Variants in ZNF558 observed in about 807,000 individuals in gnomAD.
The protein encoded by ZNF558 is zinc finger protein 558.
Under a neutral mutation model 37.6 loss-of-function variants are expected in ZNF558, and 23 were observed. The observed-to-expected ratio is 0.61, with a 90% CI of 0.44 to 0.87. The LOEUF is 0.87. ZNF558 is among the 40% of genes least tolerant of loss of function. The pLI is 0.00. For synonymous variants in ZNF558, 189 were observed against 174.4 expected (o/e 1.08, Z -0.66); for missense variants, 429 against 483.7 (o/e 0.89, Z 1.06).
At position 8,825,062 on chromosome 19, in the gene ZNF558, C is replaced by G. The variant is rs2044200312; in HGVS notation, c.-462G>C. On this transcript the variant is annotated 5_prime_UTR_variant, in exon 3 of 10. Coordinates refer to ENST00000601372, the MANE Select transcript of ZNF558 (RefSeq NM_144693.3). Reference sequence around the variant, plus strand: ...TTCCTATCTGGCAGGTCAACAGAGACACAGTGGCCCACACTCTTCATTCTC... The same window carrying G: ...TTCCTATCTGGCAGGTCAACAGAGAGACAGTGGCCCACACTCTTCATTCTC... The G allele has an allele frequency of 6.6e-6, 1 of 152,268 alleles. No homozygotes were observed. The highest frequency in any genetic ancestry group is 6.5e-5 in the Admixed American group (1 of 15,284). The allele number at this position is 152,268 out of a possible 1,614,324, so 9.4% of individuals were successfully genotyped here.
rs896943255 is a variant in ZNF558 at position 8,822,160 on chromosome 19, C to T, written c.32-69G>A. 3.1e-6 allele frequency: 5 copies of T among 1,587,896 alleles called. No homozygotes were observed. The Admixed American group carries it at 8.5e-5, about 27-fold the overall frequency. On this transcript the variant is annotated intron_variant, in intron 5 of 9. Transcript: ENST00000601372. The surrounding 1 kb of genome is among the most constrained non-coding windows in gnomAD (Gnocchi z 4.4). ...CACCCACAGATCTGCCCCTGATTGA[C>T]CACACCCACCTCCCACACCCACACG...
chr19:8,812,561 C>T lies in ZNF558; in HGVS notation c.426G>A (p.Thr142=), dbSNP rs782177053. The T allele has an allele frequency of 9.6e-6, 15 of 1,562,294 alleles. No individual in the cohort carries two copies. The highest frequency in any genetic ancestry group is 3.4e-4 in the Middle Eastern group (2 of 5,846). ...CAGAAATCACCCATGTTAGTCTTAC[C>T]GTTTTTACACCTTTAGACTGTTCTT... ...FRKEQSKGVK[T]ERSHRGVKLN... is the part of the protein sequence containing the mutation. Residue 142 remains threonine, a splice_region_variant and synonymous_variant, in exon 9 of 10, where the codon ACG becomes ACA. Transcript: ENST00000601372.
At chr19:8,814,740 G>GT (rs1270217877) in intron 7 of ZNF558, among the ~76,000 whole-genome samples, 1 of 152,178 alleles carries the variant, frequency 6.6e-6, no homozygotes, top group Non-Finnish European at 1.5e-5. Context: ...GAGACTAGAA[G>GT]TTTTTTCCTT....
upstream of ZNF558, among the ~76,000 whole-genome samples, chr19:8,834,547 G>A (rs1224298461): frequency 2.7e-5 from 4 of 150,314 alleles, no homozygotes; most frequent in Admixed American, 2.0e-4. Context: ...GGTGGAGATT[G>A]CAGTGAGCCG....
chr19:8,821,835 A>T, intron 6 of ZNF558, 168 bp downstream of exon 6: 1 of 1,459,896 alleles, frequency 6.8e-7, no homozygotes, highest in Non-Finnish European at 9.0e-7. Context: ...GTAAATGTTG[A>T]CACACACTGA....
chr19:8,836,941 G>A (rs1003600552), upstream of ZNF558, among the ~76,000 whole-genome samples: 2 of 152,160 alleles, frequency 1.3e-5, no homozygotes, highest in African/African-American at 4.8e-5. Context: ...GAACAAGCCA[G>A]TAAAAACATC....
Position 8,813,194 on chromosome 19 carries a change from T to C in ZNF558, c.276A>G (p.Ile92Met). Residue 92 changes from isoleucine (I) to methionine (M), a missense_variant, in exon 8 of 10, where the codon ATA (isoleucine) becomes ATG (methionine). Transcript: ENST00000601372. ...CCTTCTTGTCTTGTTCCAACTGGGA[T>C]ATCAGACTGGGTTTATTAACACGAC... ...LGCRVNKPSL[I>M]SQLEQDKKVV... The C allele has an allele frequency of 6.3e-6, 10 of 1,598,816 alleles. No homozygotes were observed. Among genetic ancestry groups the C allele is most frequent in the Non-Finnish European group, 8.5e-6 (10 of 1,171,900 alleles).
intron 6 of ZNF558, chr19:8,821,571 G>A: frequency 7.2e-7 from 1 of 1,392,106 alleles, no homozygotes. Flanking sequence ...CCAGTGCACA[G>A]TACCACAGAG....
At chr19:8,833,763 C>T (rs1219863147), upstream of ZNF558, among the ~76,000 whole-genome samples, 2 of 152,126 alleles carry the variant, frequency 1.3e-5, no homozygotes, top group Admixed American at 1.3e-4. Context: ...CCGAGGCAGG[C>T]AGATCACCTG....
chr19:8,822,176 C>T lies in ZNF558; in HGVS notation c.32-85G>A. The T allele has an allele frequency of 6.5e-7, 1 of 1,539,404 alleles. No homozygotes were observed. Among genetic ancestry groups the T allele is most frequent in the Non-Finnish European group, 8.9e-7 (1 of 1,122,510 alleles). On this transcript the variant is annotated intron_variant, in intron 5 of 9. Transcript: ENST00000601372. This position sits in a 1 kb window ranked among gnomAD's most constrained non-coding sequence, Gnocchi z 4.4. ...CCTGATTGACCACACCCACCTCCCACACCCACACGGATGAGGCACCACACA... is the reference window on the plus strand; with the variant it reads ...CCTGATTGACCACACCCACCTCCCATACCCACACGGATGAGGCACCACACA...
In ZNF558 at chr19:8,811,868, A is replaced by T. The variant is rs782632405; in HGVS notation, c.622T>A (p.Tyr208Asn). ...HKRIHNGEKP[Y>N]ECNHCGKAFS... ...GCTTTCCCACAGTGATTGCATTCAT[A>T]GGGTTTCTCCCCATTATGGATTCTC... Residue 208 changes from tyrosine (Y) to asparagine (N), a missense_variant, in exon 10 of 10, where the codon TAT becomes AAT. Tyr to Asn is a moderately radical substitution (Grantham distance 143). Coordinates refer to ENST00000601372, the MANE Select transcript of ZNF558 (RefSeq NM_144693.3). The T allele has an allele frequency of 6.2e-7, 1 of 1,614,152 alleles. No individual in the cohort carries two copies. Among genetic ancestry groups the T allele is most frequent in the Non-Finnish European group, 8.5e-7 (1 of 1,180,004 alleles).
At position 8,810,641 on chromosome 19, in the gene ZNF558, G is replaced by C. The variant is rs183606132; in HGVS notation, c.*640C>G. 6.6e-6 allele frequency: 1 copy of C among 152,396 alleles called. No individual in the cohort carries two copies. Among genetic ancestry groups the C allele is most frequent in the East Asian group, 1.9e-4 (1 of 5,192 alleles). The allele number at this position is 152,396 out of a possible 1,614,324, so 9.4% of individuals were successfully genotyped here. A position where few individuals can be genotyped will look rare whatever the true frequency, so the allele number is the denominator to read the frequency against. The stretch of plus-strand genomic sequence containing the variant: ...GATTAGAGTAGAAGGATGATGTGCT[G>C]AGGGCTTTTCTTCATTAATTCCATG... On this transcript the variant is annotated 3_prime_UTR_variant, in exon 10 of 10. Coordinates refer to ENST00000601372, the MANE Select transcript of ZNF558 (RefSeq NM_144693.3).
upstream of ZNF558, among the ~76,000 whole-genome samples, chr19:8,835,445 CATT>C (rs1182592159): frequency 2.0e-5 from 3 of 152,314 alleles, no homozygotes; most frequent in African/African-American, 7.2e-5. Context: ...CCCCATTAAT[CATT>C]AGGGAAGTTA....
chr19:8,815,616 AC>A (rs1339195973), intron 7 of ZNF558, among the ~76,000 whole-genome samples: 1 of 152,094 alleles, frequency 6.6e-6, no homozygotes, highest in Non-Finnish European at 1.5e-5. Flanking sequence ...TCCTGACTCT[AC>A]AAAAAATTAA....
rs781903444 is a variant in ZNF558, at chr19:8,811,271, C to T, written c.*10G>A. ...AATGAGTGCTTTCCTCCAGAAGTTC[C>T]TGCAGTAATTCATATCCATCTATTA... On this transcript the variant is annotated 3_prime_UTR_variant, in exon 10 of 10. Transcript: ENST00000601372. 6 of 1,542,302 alleles carry T rather than the reference C, an allele frequency of 3.9e-6. No individual in the cohort carries two copies. In the East Asian group the frequency reaches 1.1e-4, roughly 29 times the overall value.
Position 8,813,144 on chromosome 19 carries a change from A to G in ZNF558, c.326T>C (p.Leu109Pro). Residue 109 changes from leucine to proline, a missense_variant, in exon 8 of 10, where the codon CTA becomes CCA. Coordinates refer to ENST00000601372, the MANE Select transcript of ZNF558 (RefSeq NM_144693.3). ...KKVVTEERGILPSTCPDLETL... is the reference protein window; with the variant it reads ...KKVVTEERGIPPSTCPDLETL... The stretch of plus-strand genomic sequence containing the variant: ...GTGCTCACCTGGACAGGTGCTTGGT[A>G]GAATTCCTCTTTCCTCTGTCACCAC... 2.5e-6 allele frequency: 4 copies of G among 1,592,596 alleles called. No individual in the cohort carries two copies. Among genetic ancestry groups the G allele is most frequent in the Non-Finnish European group, 3.4e-6 (4 of 1,168,490 alleles).
At chr19:8,821,650 G>A in intron 6 of ZNF558, 3 of 1,315,666 alleles carry the variant, frequency 2.3e-6, no homozygotes, top group Non-Finnish European at 2.9e-6. Context: ...AGGGGATCAT[G>A]GGCCCGTGAC....
At chr19:8,821,907 C>G in intron 6 of ZNF558, 96 bp downstream of exon 6, 1 of 1,555,408 alleles carries the variant, frequency 6.4e-7, no homozygotes, top group Non-Finnish European at 8.7e-7. Context: ...GCCTGAGGAC[C>G]TGGTTTGGCC....
chr19:8,837,840 T>C, the ZNF558 span, among the ~76,000 whole-genome samples: 1 of 151,906 alleles, frequency 6.6e-6, no homozygotes, highest in Non-Finnish European at 1.5e-5. Flanking sequence ...TTTTGGTTAG[T>C]AAGGAAGAGA....
Sources: allele counts gnomAD v4.1 joint callset (sites outside exome capture counted in the v4.1 genomes callset), GRCh38; gene constraint gnomAD v4.1.1; non-coding constraint Gnocchi (gnomAD v3.1); transcripts MANE v1.5; gene names NCBI Gene and HGNC (gene_info 2026-07-23, HGNC 2026-07-21).